The following ZNF567 variants were observed in gnomAD, a reference collection of about 807,000 sequenced individuals.
ZNF567 encodes the protein zinc finger protein 567.
Under a neutral mutation model 53.9 loss-of-function variants are expected in ZNF567, and 36 were observed. The observed-to-expected ratio is 0.67, with a 90% CI of 0.51 to 0.88. ZNF567 has a LOEUF of 0.88. Among genes scored for constraint, ZNF567 ranks in the 40% least tolerant of loss-of-function variants. The pLI is 0.00. For missense variants in ZNF567, 619 were observed against 764.7 expected, an observed-to-expected ratio of 0.81 and a Z score of 2.25; for synonymous variants, 224 against 260.4, an observed-to-expected ratio of 0.86 and a Z score of 1.35.
At chr19:36,692,091 G>A (rs1376270927) in intron 2 of ZNF567, among the ~76,000 whole-genome samples, 2 of 152,174 alleles carry the variant, frequency 1.3e-5, no homozygotes, top group Admixed American at 6.5e-5. Flanking sequence ...TTCTGAGGTG[G>A]TTATGAATAA....
chr19:36,700,015 A>G (rs2145676017), intron 3 of ZNF567, among the ~76,000 whole-genome samples: 1 of 104,404 alleles, frequency 9.6e-6, no homozygotes, highest in African/African-American at 3.9e-5. Context: ...TTCAAAGGGA[A>G]TGCTTCCAGT....
intron 2 of ZNF567, among the ~76,000 whole-genome samples, chr19:36,691,625 C>CA (rs751278879): frequency 9.2e-5 from 14 of 152,060 alleles, no homozygotes; most frequent in Non-Finnish European, 1.8e-4. Context: ...AAAAAGAAAA[C>CA]AAAAACAGAA....
chr19:36,696,135 A>T (rs1400882245), intron 3 of ZNF567, among the ~76,000 whole-genome samples: 1 of 152,172 alleles, frequency 6.6e-6, no homozygotes, highest in Non-Finnish European at 1.5e-5. Context: ...TTATGTTTGC[A>T]TGTAGAAGTA....
chr19:36,679,313 C>T, the ZNF567 span, among the ~76,000 whole-genome samples: 7,007 of 152,170 alleles, frequency 0.046, 464 homozygotes, highest in African/African-American at 0.14. Flanking sequence ...TGAGATATTA[C>T]CGTGCACCTG....
chr19:36,701,787 C>T (rs921575160), intron 3 of ZNF567, among the ~76,000 whole-genome samples: 75 of 147,232 alleles, frequency 5.1e-4, no homozygotes, highest in African/African-American at 1.8e-3. Context: ...GGTAGATCTT[C>T]CTCCATCCTT....
At chr19:36,716,966 C>A (rs572520837) in intron 5 of ZNF567, among the ~76,000 whole-genome samples, 2 of 152,202 alleles carry the variant, frequency 1.3e-5, no homozygotes, top group African/African-American at 4.8e-5. Flanking sequence ...GCTGGGAGTA[C>A]AGGTGCATGC....
chr19:36,675,372 C>T, the ZNF567 span, among the ~76,000 whole-genome samples: 245 of 151,766 alleles, frequency 1.6e-3, no homozygotes, highest in Admixed American at 4.1e-3. Flanking sequence ...GTGACCCCAT[C>T]TCTACAAAAA....
intron 3 of ZNF567, among the ~76,000 whole-genome samples, chr19:36,696,671 A>G (rs2038907003): frequency 6.6e-6 from 1 of 152,132 alleles, no homozygotes; most frequent in South Asian, 2.1e-4. Flanking sequence ...TACCATCCTT[A>G]TTTGGGTTCC....
upstream of ZNF567, chr19:36,686,911 C>G (rs1324405286): frequency 2.0e-5 from 3 of 152,180 alleles, no homozygotes; most frequent in Non-Finnish European, 4.4e-5. Flanking sequence ...CCAGGATCCC[C>G]TGTGTCAAAC....
At chr19:36,675,609 G>C in the ZNF567 span, among the ~76,000 whole-genome samples, 1 of 152,162 alleles carries the variant, frequency 6.6e-6, no homozygotes, top group East Asian at 1.9e-4. Flanking sequence ...GGAGGCGGAG[G>C]TTGCAGTGAG....
At chr19:36,725,886 C>G (rs984212946), downstream of ZNF567, among the ~76,000 whole-genome samples, 1 of 152,176 alleles carries the variant, frequency 6.6e-6, no homozygotes, top group Admixed American at 6.5e-5. Flanking sequence ...TCAGCCCTGT[C>G]TTCTTTTTCC....
chr19:36,723,046 A>T, downstream of ZNF567: 1 of 587,748 alleles, frequency 1.7e-6, no homozygotes, highest in Non-Finnish European at 3.0e-6. Flanking sequence ...TAATTATAGG[A>T]CTTATAATCA....
chr19:36,678,216 C>A, the ZNF567 span, among the ~76,000 whole-genome samples: 19 of 152,268 alleles, frequency 1.2e-4, no homozygotes, highest in East Asian at 3.7e-3. Context: ...AGAAACTTTT[C>A]CCTCAGTGGC....
intron 1 of ZNF567, among the ~76,000 whole-genome samples, chr19:36,687,887 C>T (rs2038341102): frequency 6.6e-6 from 1 of 152,172 alleles, no homozygotes; most frequent in Non-Finnish European, 1.5e-5. Flanking sequence ...GGGTGAGCTC[C>T]CCAGTGGCAG....
At chr19:36,721,527 G>A (rs60213885), downstream of ZNF567, among the ~76,000 whole-genome samples, 48,169 of 151,900 alleles carry the variant, frequency 0.32, 7,936 homozygotes, top group East Asian at 0.58. Flanking sequence ...TGCAGTATAT[G>A]TAGAAGGCCT....
chr19:36,669,472 G>T, the ZNF567 span: 1 of 152,332 alleles, frequency 6.6e-6, no homozygotes, highest in African/African-American at 2.4e-5. Flanking sequence ...ATACGTTACA[G>T]TGGGGAAAAT....
chr19:36,718,485 C>T (rs965414710), intron 5 of ZNF567, among the ~76,000 whole-genome samples: 3 of 151,166 alleles, frequency 2.0e-5, no homozygotes, highest in Non-Finnish European at 2.9e-5. Context: ...GGTGACAAAG[C>T]GAGACTTTGT....
the ZNF567 span, among the ~76,000 whole-genome samples, chr19:36,681,762 T>G: frequency 6.6e-5 from 10 of 151,724 alleles, no homozygotes; most frequent in Non-Finnish European, 1.3e-4. Context: ...TAATTGGGAA[T>G]TGTTATAGAC....
upstream of ZNF567, chr19:36,686,631 A>G (rs978929045): frequency 6.6e-6 from 1 of 151,894 alleles, no homozygotes; most frequent in Admixed American, 6.6e-5. Flanking sequence ...AAGGAATCCT[A>G]CTCCTAGGTT....
Sources: gnomAD v4.1 joint callset for allele counts (sites outside exome capture counted in the v4.1 genomes callset) on GRCh38, gnomAD v4.1.1 for gene constraint, MANE v1.5 for transcripts, NCBI Gene and HGNC (gene_info 2026-07-23, HGNC 2026-07-21) for gene names.